Variants in IPMK observed in about 807,000 individuals in gnomAD.
IPMK encodes inositol 1,3,4,6-tetrakisphosphate 5-kinase.
In IPMK, 17 loss-of-function variants were observed where a neutral mutation model predicts 45.8. That is an observed-to-expected ratio of 0.37 (90% CI 0.25 to 0.56). The LOEUF (loss-of-function observed/expected upper bound fraction) is 0.56. IPMK is among the 20% of genes least tolerant of loss of function. IPMK has a pLI of 0.79. For synonymous variants in IPMK, 180 were observed against 184.3 expected (o/e 0.98, Z 0.19); for missense variants, 399 against 498.0 (o/e 0.80, Z 1.89).
chr10:58,256,534 G>A (rs1273257797), intron 1 of IPMK, among the ~76,000 whole-genome samples: 2 of 152,176 alleles, frequency 1.3e-5, no homozygotes, highest in East Asian at 1.9e-4. Flanking sequence ...CCCTGGCCTT[G>A]TGATCTTGCT....
intron 3 of IPMK, among the ~76,000 whole-genome samples, chr10:58,218,455 C>T (rs1023886773): frequency 1.3e-5 from 2 of 152,204 alleles, no homozygotes; most frequent in Non-Finnish European, 2.9e-5. Context: ...GAAAACAGAT[C>T]CAGCCCCACT....
chr10:58,204,121 G>A (rs941227595), intron 4 of IPMK, among the ~76,000 whole-genome samples: 2 of 152,120 alleles, frequency 1.3e-5, no homozygotes, highest in Non-Finnish European at 2.9e-5. Flanking sequence ...TAGTGCTTTG[G>A]GAGGCTGAGG....
At chr10:58,227,251 T>C (rs1002252910) in intron 2 of IPMK, 112 bp from the exon 3 acceptor site, 12 of 769,670 alleles carry the variant, frequency 1.6e-5, no homozygotes, top group Admixed American at 2.9e-5. Flanking sequence ...ATGGCTTCAA[T>C]TGCAAGTAAA....
chr10:58,224,643 A>G (rs1279183141), intron 3 of IPMK, among the ~76,000 whole-genome samples: 2 of 152,202 alleles, frequency 1.3e-5, no homozygotes, highest in Non-Finnish European at 2.9e-5. Context: ...AAATTATTAT[A>G]TGATAATTTG....
intron 4 of IPMK, among the ~76,000 whole-genome samples, chr10:58,213,307 G>A (rs1400722243): frequency 6.6e-6 from 1 of 152,234 alleles, no homozygotes; most frequent in African/African-American, 2.4e-5. Context: ...TAACTAAAAT[G>A]AGAATAGAGA....
At chr10:58,262,043 C>T (rs2590361) in intron 1 of IPMK, among the ~76,000 whole-genome samples, 51,346 of 151,650 alleles carry the variant, frequency 0.34, 10,926 homozygotes, top group African/African-American at 0.61. Flanking sequence ...AACTGAACAA[C>T]GAGAACACTT....
chr10:58,267,719 C>G lies in IPMK; in HGVS notation c.-108G>C. On this transcript the variant is annotated 5_prime_UTR_variant, in exon 1 of 6. Transcript: ENST00000373935. ...GCTCAGGCTCGGGCGCGAGGAGGCC[C>G]GGGGGTTCCCGCGGCTGGTGCCCTC... 2 of 680,890 alleles carry G rather than the reference C, an allele frequency of 2.9e-6. No homozygotes were observed. Among genetic ancestry groups the G allele is most frequent in the Non-Finnish European group, 5.1e-6 (2 of 392,106 alleles). 42.2% of individuals were successfully genotyped at this position (680,890 alleles called of 1,614,324 possible). A position where few individuals can be genotyped will look rare whatever the true frequency, so the allele number is the denominator to read the frequency against.
At chr10:58,232,449 A>T (rs1838539103) in intron 2 of IPMK, among the ~76,000 whole-genome samples, 1 of 152,200 alleles carries the variant, frequency 6.6e-6, no homozygotes. Flanking sequence ...TCCTTAGCAA[A>T]CGTAAAAGAA....
In IPMK at chr10:58,203,914, T is replaced by G. The variant is rs192652273; in HGVS notation, c.547-4593A>C. ...TATTTTAAGAAATTGCTGCAGGCACTCAAACCTTCAGCAGCCACCACCCTG... is the reference window on the plus strand; with the variant it reads ...TATTTTAAGAAATTGCTGCAGGCACGCAAACCTTCAGCAGCCACCACCCTG... On this transcript the variant is annotated intron_variant, in intron 4 of 5. Coordinates refer to ENST00000373935, the MANE Select transcript of IPMK (RefSeq NM_152230.5). Among the ~76,000 whole-genome samples the G allele has an allele frequency of 8.4e-4, 128 of 152,282 alleles. 1 individual carries two copies. Among genetic ancestry groups the G allele is most frequent in the African/African-American group, 3.0e-3 (126 of 41,576 alleles).
intron 2 of IPMK, among the ~76,000 whole-genome samples, chr10:58,236,969 C>G (rs1384669889): frequency 1.3e-5 from 2 of 152,114 alleles, no homozygotes; most frequent in African/African-American, 4.8e-5. Flanking sequence ...ACTTAGGAGG[C>G]ACAGGCTGAG....
chr10:58,208,280 A>G (rs1838102463), intron 4 of IPMK, among the ~76,000 whole-genome samples: 1 of 152,094 alleles, frequency 6.6e-6, no homozygotes, highest in Admixed American at 6.5e-5. Context: ...TTTCTCTGGT[A>G]TCTCCTTGAG....
In IPMK at chr10:58,229,219, TA is replaced by T. The variant is rs200172242; in HGVS notation, c.277-2081del. 8.0e-3 allele frequency among the ~76,000 whole-genome samples: 1,218 copies of T among 152,168 alleles called. 9 individuals carry two copies. The highest frequency in any genetic ancestry group is 0.013 in the Non-Finnish European group (898 of 68,012). ...AACTGATAGAGCAGAATTTTTTTTTTAAATACTAGGAAAAGCTTTGTCAAGA... is the reference window on the plus strand; with the variant it reads ...AACTGATAGAGCAGAATTTTTTTTTTAATACTAGGAAAAGCTTTGTCAAGA... On this transcript the variant is annotated intron_variant, in intron 2 of 5. Transcript: ENST00000373935.
chr10:58,217,102 G>A (rs1838254562), intron 3 of IPMK, among the ~76,000 whole-genome samples: 1 of 149,078 alleles, frequency 6.7e-6, no homozygotes, highest in South Asian at 2.1e-4. Context: ...GCCTGCCTCG[G>A]CCTCCCAAAC....
At chr10:58,198,551 T>C (rs1837942301) in intron 5 of IPMK, among the ~76,000 whole-genome samples, 1 of 152,220 alleles carries the variant, frequency 6.6e-6, no homozygotes, top group Non-Finnish European at 1.5e-5. Flanking sequence ...GCTCATGCTA[T>C]GGATGTTTGC....
chr10:58,229,463 T>C (rs937613407), intron 2 of IPMK, among the ~76,000 whole-genome samples: 3 of 146,078 alleles, frequency 2.1e-5, no homozygotes, highest in African/African-American at 7.8e-5. Context: ...CTCAGGAAGC[T>C]GAGGCAGGAG....
intron 4 of IPMK, among the ~76,000 whole-genome samples, chr10:58,208,805 T>C (rs1258127763): frequency 6.6e-6 from 1 of 151,402 alleles, no homozygotes; most frequent in East Asian, 1.9e-4. Flanking sequence ...TTCAGGCCCA[T>C]AGAGGGGGTA....
chr10:58,208,515 T>C (rs1052960101), intron 4 of IPMK, among the ~76,000 whole-genome samples: 10 of 152,238 alleles, frequency 6.6e-5, no homozygotes, highest in Non-Finnish European at 1.0e-4. Context: ...TATTTACTTT[T>C]TCTCTCTCTC....
At chr10:58,263,607 C>G (rs1032588280) in intron 1 of IPMK, among the ~76,000 whole-genome samples, 1 of 152,122 alleles carries the variant, frequency 6.6e-6, no homozygotes, top group Non-Finnish European at 1.5e-5. Context: ...ATTGCTTGAG[C>G]CCTGAAGTTT....
At chr10:58,202,986 T>C (rs928774482) in intron 4 of IPMK, among the ~76,000 whole-genome samples, 2 of 152,204 alleles carry the variant, frequency 1.3e-5, no homozygotes, top group East Asian at 3.8e-4. Flanking sequence ...TACATACAGC[T>C]GCCATTGATA....
Sources: allele counts gnomAD v4.1 joint callset (sites outside exome capture counted in the v4.1 genomes callset), GRCh38; gene constraint gnomAD v4.1.1; transcripts MANE v1.5; gene names NCBI Gene and HGNC (gene_info 2026-07-23, HGNC 2026-07-21).